The following CRYBG1 variants were observed in gnomAD, a reference collection of about 807,000 sequenced individuals.
CRYBG1 encodes the protein crystallin beta-gamma domain containing 1, also known as beta/gamma crystallin domain-containing protein 1.
A neutral mutation model predicts 189.2 loss-of-function variants in CRYBG1; 139 were observed. The observed-to-expected ratio is 0.73, with a 90% CI of 0.64 to 0.85. CRYBG1 has a LOEUF of 0.85. Among genes scored for constraint, CRYBG1 ranks in the 40% least tolerant of loss-of-function variants. The pLI, the probability that CRYBG1 is intolerant of heterozygous loss-of-function variation, is 0.00. For synonymous variants in CRYBG1, 1,023 were observed against 1,017.1 expected (o/e 1.01, Z -0.11); for missense variants, 2,611 against 2,675.8 (o/e 0.98, Z 0.53).
At chr6:106,553,337 C>T (rs1241278401) in intron 15 of CRYBG1, 118 bp from the exon 16 acceptor site, 8 of 638,604 alleles carry the variant, frequency 1.3e-5, no homozygotes, top group Middle Eastern at 7.9e-4. Context: ...TTCTAAAATT[C>T]GTACCAGTTT....
chr6:106,424,336 A>G (rs891189329), intron 1 of CRYBG1, among the ~76,000 whole-genome samples: 1 of 152,212 alleles, frequency 6.6e-6, no homozygotes, highest in African/African-American at 2.4e-5. Flanking sequence ...ATATTTCAAT[A>G]AAAACCTAAT....
chr6:106,381,168 T>C (rs1349106719), intron 1 of CRYBG1, among the ~76,000 whole-genome samples: 1 of 152,232 alleles, frequency 6.6e-6, no homozygotes, highest in Non-Finnish European at 1.5e-5. Flanking sequence ...CACTCCTATA[T>C]ACAGCATAGA....
Position 106,568,889 on chromosome 6 carries a change from A to G in CRYBG1, c.*323A>G, listed in dbSNP as rs1283482902. The G allele has an allele frequency of 1.4e-5, 3 of 220,400 alleles. No individual in the cohort carries two copies. Among genetic ancestry groups the G allele is most frequent in the Non-Finnish European group, 2.7e-5 (3 of 110,102 alleles). The allele number at this position is 220,400 out of a possible 1,614,324, so 13.7% of individuals were successfully genotyped here. On this transcript the variant is annotated 3_prime_UTR_variant, in exon 22 of 22. Coordinates refer to ENST00000633556, the MANE Select transcript of CRYBG1 (RefSeq NM_001371242.2). ...GATTTCAAGACTGTGTACATTTTAA[A>G]TTATTTCCAAAGATAGTGACAGGAG... is the stretch of plus-strand genomic sequence containing the variant.
chr6:106,493,677 T>G (rs1302924397), intron 2 of CRYBG1, among the ~76,000 whole-genome samples: 1 of 150,732 alleles, frequency 6.6e-6, no homozygotes, highest in Non-Finnish European at 1.5e-5. Flanking sequence ...TGGATAGAGC[T>G]GGAAGCCATT....
intron 1 of CRYBG1, among the ~76,000 whole-genome samples, chr6:106,447,876 G>A (rs1760995758): frequency 1.3e-5 from 2 of 152,140 alleles, no homozygotes; most frequent in Admixed American, 1.3e-4. Flanking sequence ...TCTAGAAAAT[G>A]CTGAAAGAAT....
chr6:106,561,132 G>A (rs559039211), intron 19 of CRYBG1, among the ~76,000 whole-genome samples: 16 of 152,284 alleles, frequency 1.1e-4, no homozygotes, highest in Admixed American at 3.3e-4. Flanking sequence ...AACATCAAAC[G>A]CAGTTATCCA....
chr6:106,550,296 T>C (rs1266718361), intron 13 of CRYBG1, among the ~76,000 whole-genome samples: 2 of 152,228 alleles, frequency 1.3e-5, no homozygotes, highest in African/African-American at 4.8e-5. Context: ...TGGAAACATT[T>C]TGCAAAGTTC....
chr6:106,528,101 C>T (rs868202125), intron 7 of CRYBG1, among the ~76,000 whole-genome samples: 4 of 151,944 alleles, frequency 2.6e-5, no homozygotes, highest in East Asian at 1.9e-4. Context: ...TTAATGGAGA[C>T]GAGTGTCAAG....
intron 1 of CRYBG1, among the ~76,000 whole-genome samples, chr6:106,409,014 T>C (rs1160026336): frequency 6.6e-6 from 1 of 152,188 alleles, no homozygotes; most frequent in Admixed American, 6.5e-5. Flanking sequence ...TGTTGGAAGT[T>C]CTGGCCAGGG....
intron 2 of CRYBG1, among the ~76,000 whole-genome samples, chr6:106,488,456 G>T (rs1054170545): frequency 2.0e-5 from 3 of 152,210 alleles, no homozygotes; most frequent in African/African-American, 7.2e-5. Context: ...CAACAGTTGT[G>T]CACAACTCTC....
chr6:106,439,799 T>C (rs902029300), intron 1 of CRYBG1, among the ~76,000 whole-genome samples: 2 of 152,102 alleles, frequency 1.3e-5, no homozygotes, highest in African/African-American at 2.4e-5. Context: ...GAAGGTGATA[T>C]GGTTCTTAGC....
intron 2 of CRYBG1, among the ~76,000 whole-genome samples, chr6:106,489,723 G>A (rs1772672490): frequency 7.1e-6 from 1 of 140,906 alleles, no homozygotes; most frequent in Non-Finnish European, 1.5e-5. Context: ...AGCTACTCAG[G>A]ATGTTGATGC....
At chr6:106,547,613 T>C (rs919603871) in intron 13 of CRYBG1, among the ~76,000 whole-genome samples, 1 of 152,246 alleles carries the variant, frequency 6.6e-6, no homozygotes, top group African/African-American at 2.4e-5. Context: ...GGCTTTATTT[T>C]TATTGGCAAT....
intron 9 of CRYBG1, among the ~76,000 whole-genome samples, chr6:106,540,595 G>C (rs1046012922): frequency 2.6e-5 from 4 of 152,128 alleles, no homozygotes; most frequent in Non-Finnish European, 5.9e-5. Context: ...AGTCTCCAAA[G>C]TCTATGGTGT....
chr6:106,472,526 GAT>G (rs1772252714), intron 2 of CRYBG1, among the ~76,000 whole-genome samples: 4 of 149,314 alleles, frequency 2.7e-5, no homozygotes, highest in African/African-American at 9.8e-5. Flanking sequence ...TTTTCTTGAT[GAT>G]TCATGATCAT....
chr6:106,485,735 T>C (rs2114486577), intron 2 of CRYBG1, among the ~76,000 whole-genome samples: 1 of 152,316 alleles, frequency 6.6e-6, no homozygotes, highest in Non-Finnish European at 1.5e-5. Flanking sequence ...TCTCTTGAAA[T>C]GGTTTTTGTC....
chr6:106,555,670 G>A, intron 16 of CRYBG1, 98 bp from the exon 17 acceptor site: 1 of 1,413,970 alleles, frequency 7.1e-7, no homozygotes, highest in Non-Finnish European at 9.6e-7. Context: ...GAAGCATTGT[G>A]TTTATTTTAT....
rs113673938 is a variant in CRYBG1, at chr6:106,545,028, C to T, written c.5312+95C>T. 392 of 968,102 alleles carry T rather than the reference C, an allele frequency of 4.0e-4. 2 individuals are homozygous for T. The African/African-American group carries it at 5.9e-3, about 15-fold the overall frequency. The allele number at this position is 968,102 out of a possible 1,614,324, so 60.0% of individuals were successfully genotyped here. ...TCTATCACAGAGTAGGCATTCAATA[C>T]ACAAATATCTCAACAGCTTAACATT... On this transcript the variant is annotated intron_variant, in intron 13 of 21. Transcript: ENST00000633556.
At chr6:106,476,746 T>C (rs1167068781) in intron 2 of CRYBG1, among the ~76,000 whole-genome samples, 1 of 152,198 alleles carries the variant, frequency 6.6e-6, no homozygotes, top group Non-Finnish European at 1.5e-5. Context: ...GAACTGCCCA[T>C]GAGGGACATG....
Sources: allele counts gnomAD v4.1 joint callset (sites outside exome capture counted in the v4.1 genomes callset), GRCh38; gene constraint gnomAD v4.1.1; transcripts MANE v1.5; gene names NCBI Gene and HGNC (gene_info 2026-07-23, HGNC 2026-07-21).